The following NHEJ1 variants were observed in gnomAD, a reference collection of about 807,000 sequenced individuals.
NHEJ1 encodes non-homologous end joining factor 1, also known as non-homologous end-joining factor 1.
A neutral mutation model predicts 39.4 loss-of-function variants in NHEJ1; 22 were observed. That is an observed-to-expected ratio of 0.56 (90% confidence interval 0.40 to 0.80). NHEJ1 has a LOEUF of 0.80. NHEJ1 is among the 30% of genes least tolerant of loss of function. The probability of loss-of-function intolerance (pLI) is 0.00; values close to 1 mark genes in which losing one functional copy is unlikely to be tolerated. For synonymous variants in NHEJ1, 154 were observed against 135.6 expected, an observed-to-expected ratio of 1.14 and a Z score of -0.94; for missense variants, 329 against 357.1, an observed-to-expected ratio of 0.92 and a Z score of 0.63.
chr2:219,155,533 T>G (rs149327732), intron 3 of NHEJ1, among the ~76,000 whole-genome samples: 1 of 152,048 alleles, frequency 6.6e-6, no homozygotes, highest in African/African-American at 2.4e-5. Context: ...CAAATGTGAG[T>G]ATATGCTAAG....
chr2:219,091,305 T>C lies in NHEJ1; in HGVS notation c.589-13099A>G, dbSNP rs548046307. 3.3e-5 allele frequency among the ~76,000 whole-genome samples: 5 copies of C among 152,270 alleles called. No homozygotes were observed. The East Asian group carries it at 9.7e-4, about 29-fold the overall frequency. ...TCTTTTTTCCGCAGTCCTAGATTCC[T>C]GTGGAGTTTAAGCTAGGGTAAACAG... On this transcript the variant is annotated intron_variant, in intron 5 of 7. Coordinates refer to ENST00000356853, the MANE Select transcript of NHEJ1 (RefSeq NM_024782.3).
At chr2:219,110,276 G>T (rs1949353421) in intron 5 of NHEJ1, among the ~76,000 whole-genome samples, 3 of 152,156 alleles carry the variant, frequency 2.0e-5, no homozygotes, top group Non-Finnish European at 2.9e-5. Context: ...AGCACTTTGG[G>T]ATGCCAAGGC....
At chr2:219,126,867 C>T (rs764201864) in intron 5 of NHEJ1, among the ~76,000 whole-genome samples, 4 of 152,192 alleles carry the variant, frequency 2.6e-5, no homozygotes, top group South Asian at 2.1e-4. Flanking sequence ...CCAGAGGGAA[C>T]GGCATGTGCC....
At chr2:219,122,226 C>T (rs1273576184) in intron 5 of NHEJ1, among the ~76,000 whole-genome samples, 1 of 152,156 alleles carries the variant, frequency 6.6e-6, no homozygotes, top group Non-Finnish European at 1.5e-5. Flanking sequence ...CTTTACTTTC[C>T]TTAGATCCAC....
At chr2:219,125,203 G>T (rs1196259774) in intron 5 of NHEJ1, among the ~76,000 whole-genome samples, 1 of 152,002 alleles carries the variant, frequency 6.6e-6, no homozygotes, top group Non-Finnish European at 1.5e-5. Flanking sequence ...AGAGTAAGGG[G>T]GAGGAATGGA....
chr2:219,121,061 TGGTGCATGCC>T (rs1187025873), intron 5 of NHEJ1, among the ~76,000 whole-genome samples: 1 of 152,036 alleles, frequency 6.6e-6, no homozygotes, highest in African/African-American at 2.4e-5. Flanking sequence ...CCAGGCATGG[TGGTGCATGCC>T]GGTGCATGCC....
intron 3 of NHEJ1, among the ~76,000 whole-genome samples, chr2:219,154,929 A>C (rs1949837407): frequency 6.8e-6 from 1 of 147,480 alleles, no homozygotes; most frequent in Admixed American, 6.8e-5. Flanking sequence ...ATATAGATTA[A>C]TATAACATAT....
intron 5 of NHEJ1, among the ~76,000 whole-genome samples, chr2:219,140,343 CAGA>C (rs1306722643): frequency 6.6e-6 from 1 of 152,192 alleles, no homozygotes; most frequent in East Asian, 1.9e-4. Context: ...GGGCTTTGAG[CAGA>C]AGAATATCAC....
intron 5 of NHEJ1, among the ~76,000 whole-genome samples, chr2:219,081,317 GGC>G (rs1312486700): frequency 6.6e-6 from 1 of 152,122 alleles, no homozygotes; most frequent in Non-Finnish European, 1.5e-5. Flanking sequence ...TGGGGCAGGC[GGC>G]AGAGATCAAA....
chr2:219,138,232 T>TGACTTTTGA (rs1362251847), intron 5 of NHEJ1, among the ~76,000 whole-genome samples: 2 of 152,222 alleles, frequency 1.3e-5, no homozygotes, highest in African/African-American at 4.8e-5. Context: ...CTTATTCTTT[T>TGACTTTTGA]GACTTTTGAG....
In NHEJ1 at chr2:219,069,612, C is replaced by T. The variant is rs1948938265; in HGVS notation, c.*6769G>A. 1 of 152,140 alleles carries T rather than the reference C, an allele frequency of 6.6e-6. No homozygotes were observed. The highest frequency in any genetic ancestry group is 2.4e-5 in the African/African-American group (1 of 41,410). 9.4% of individuals were successfully genotyped at this position (152,140 alleles called of 1,614,324 possible). A position where few individuals can be genotyped will look rare whatever the true frequency, so the allele number is the denominator to read the frequency against. On this transcript the variant is annotated 3_prime_UTR_variant, in exon 8 of 8. Transcript: ENST00000356853. The stretch of plus-strand genomic sequence containing the variant: ...TATGCATGGTTCTGGATGGGAATCT[C>T]AAAGATGATGGCGGTCATCAAATGG...
At chr2:219,124,238 A>G (rs765145139) in intron 5 of NHEJ1, among the ~76,000 whole-genome samples, 2 of 152,182 alleles carry the variant, frequency 1.3e-5, no homozygotes, top group Non-Finnish European at 2.9e-5. Context: ...TAAAGAATTG[A>G]TATCAGCAAA....
rs150648854 is a variant in NHEJ1 at position 219,143,171 on chromosome 2, T to C, written c.588+3509A>G. Among the ~76,000 whole-genome samples the C allele has an allele frequency of 7.1e-3, 1,079 of 152,246 alleles. 17 individuals are homozygous for C. The highest frequency in any genetic ancestry group is 0.021 in the African/African-American group (884 of 41,570). ...GCGCCTTCATCTTGAGCTCTCTCCC[T>C]GGTTTGTTTATCTTCCTATTCCATC... On this transcript the variant is annotated intron_variant, in intron 5 of 7. Coordinates refer to ENST00000356853, the MANE Select transcript of NHEJ1 (RefSeq NM_024782.3).
intron 5 of NHEJ1, among the ~76,000 whole-genome samples, chr2:219,128,041 T>G (rs958891872): frequency 3.3e-5 from 5 of 152,220 alleles, no homozygotes; most frequent in African/African-American, 1.2e-4. Context: ...TGAACAGGTT[T>G]AGAGCAAGAC....
At chr2:219,092,773 G>C (rs1200464491) in intron 5 of NHEJ1, among the ~76,000 whole-genome samples, 2 of 152,116 alleles carry the variant, frequency 1.3e-5, no homozygotes, top group East Asian at 1.9e-4. Flanking sequence ...AGCAGTAAGG[G>C]GAGCCAAAGC....
At position 219,144,132 on chromosome 2, in the gene NHEJ1, C is replaced by A. The variant is rs1949714420; in HGVS notation, c.588+2548G>T. Among the ~76,000 whole-genome samples the A allele has an allele frequency of 2.6e-5, 4 of 152,086 alleles. No homozygotes were observed. The South Asian group carries it at 8.3e-4, about 32-fold the overall frequency. On this transcript the variant is annotated intron_variant, in intron 5 of 7. Transcript: ENST00000356853. ...ACAAGAATCTCTTGAACCCGGGAGG[C>A]AGAGATTACAGTGAGCCGAGATCAC...
intron 6 of NHEJ1, among the ~76,000 whole-genome samples, chr2:219,077,797 G>C (rs566961522): frequency 1.3e-5 from 2 of 152,086 alleles, no homozygotes; most frequent in South Asian, 2.1e-4. Flanking sequence ...TCTTTCTCCT[G>C]GTTCTTTTGC....
In NHEJ1 at chr2:219,075,946, CACAGCAT is replaced by C. The variant is rs1376795179; in HGVS notation, c.*428_*434del. 2 of 215,584 alleles carry C rather than the reference CACAGCAT, an allele frequency of 9.3e-6. No individual in the cohort carries two copies. Among genetic ancestry groups the C allele is most frequent in the Non-Finnish European group, 1.8e-5 (2 of 108,398 alleles). 13.4% of individuals were successfully genotyped at this position (215,584 alleles called of 1,614,324 possible). A position where few individuals can be genotyped will look rare whatever the true frequency, so the allele number is the denominator to read the frequency against. On this transcript the variant is annotated 3_prime_UTR_variant, in exon 8 of 8. Coordinates refer to ENST00000356853, the MANE Select transcript of NHEJ1 (RefSeq NM_024782.3). ...AGGAAGTGAATTGGGTTATGAGTTC[CACAGCAT>C]AAGTAATCCCAAAAGCAGGGACTGT... is the stretch of plus-strand genomic sequence containing the variant.
At chr2:219,130,709 G>A (rs1408793651) in intron 5 of NHEJ1, among the ~76,000 whole-genome samples, 1 of 152,178 alleles carries the variant, frequency 6.6e-6, no homozygotes, top group African/African-American at 2.4e-5. Context: ...GAAATGGGTT[G>A]TATGGTTGAG....
Sources: allele counts gnomAD v4.1 joint callset (sites outside exome capture counted in the v4.1 genomes callset), GRCh38; gene constraint gnomAD v4.1.1; transcripts MANE v1.5; gene names NCBI Gene and HGNC (gene_info 2026-07-23, HGNC 2026-07-21).